The following VRTN variants were observed in gnomAD, a reference collection of about 807,000 sequenced individuals.
The protein encoded by VRTN is vertnin.
In VRTN, 5 loss-of-function variants were observed where a neutral mutation model predicts 18.2. The observed-to-expected ratio is 0.27, with a 90% CI of 0.14 to 0.58. VRTN has a LOEUF of 0.58. Among genes scored for constraint, VRTN ranks in the 20% least tolerant of loss-of-function variants. The pLI is 0.91. For missense variants in VRTN, 741 were observed against 939.4 expected (o/e 0.79, Z 2.76); for synonymous variants, 381 against 393.7 (o/e 0.97, Z 0.38).
chr14:74,325,167 G>C (rs1006939956), intron 1 of VRTN, among the ~76,000 whole-genome samples: 1 of 152,126 alleles, frequency 6.6e-6, no homozygotes, highest in African/African-American at 2.4e-5. Flanking sequence ...GTCAAGGCAA[G>C]GGTCAGTGCA....
intron 1 of VRTN, among the ~76,000 whole-genome samples, chr14:74,336,796 A>C (rs976554603): frequency 1.3e-5 from 2 of 152,094 alleles, no homozygotes; most frequent in East Asian, 3.9e-4. Context: ...TCCTCTTGGT[A>C]ATTTTTTTCG....
At chr14:74,332,335 GTTTTTTTTTTTTTTTTTTTTTTTTTTTT>G (rs67857502) in intron 1 of VRTN, among the ~76,000 whole-genome samples, 17 of 39,588 alleles carry the variant, frequency 4.3e-4, no homozygotes, top group South Asian at 2.7e-3. Flanking sequence ...CTCCTAATCT[GTTTTTTTTTTTTTTTTTTTTTTTTTTTT>G]TTTTTTTTTT....
rs1485636823 is a variant in VRTN, at chr14:74,341,115, T to C, written c.-2+3231T>C. ...GGGACAGATGGATGAATTCTTTAAA[T>C]CTCTGTAGAAAGAAGGTGAGTAGGG... On this transcript the variant is annotated intron_variant, in intron 2 of 2. Transcript: ENST00000557177. Among the ~76,000 whole-genome samples the C allele has an allele frequency of 2.0e-5, 3 of 152,196 alleles. No individual in the cohort carries two copies. In the East Asian group the frequency reaches 5.8e-4, roughly 29 times the overall value.
upstream of VRTN, among the ~76,000 whole-genome samples, chr14:74,343,535 T>TA (rs1162000672): frequency 6.6e-6 from 1 of 152,214 alleles, no homozygotes; most frequent in Non-Finnish European, 1.5e-5. Flanking sequence ...ATTATGCATG[T>TA]ACAGGCTTAC....
intron 1 of VRTN, among the ~76,000 whole-genome samples, chr14:74,329,174 C>T (rs987752536): frequency 6.6e-5 from 10 of 151,818 alleles, no homozygotes; most frequent in African/African-American, 2.4e-4. Flanking sequence ...ACTCAGGAGG[C>T]TGAGGCAGGA....
At chr14:74,310,961 G>A (rs1393072368) in intron 1 of VRTN, among the ~76,000 whole-genome samples, 1 of 152,128 alleles carries the variant, frequency 6.6e-6, no homozygotes, top group Non-Finnish European at 1.5e-5. Flanking sequence ...AAAGTGGTGG[G>A]ATTACAGGCA....
intron 1 of VRTN, among the ~76,000 whole-genome samples, chr14:74,322,002 A>G (rs952120340): frequency 2.0e-5 from 3 of 151,514 alleles, no homozygotes; most frequent in African/African-American, 7.3e-5. Context: ...CACCACACCC[A>G]GCTAATTTTT....
chr14:74,310,125 C>T (rs1251906203), intron 1 of VRTN, among the ~76,000 whole-genome samples: 1 of 152,116 alleles, frequency 6.6e-6, no homozygotes, highest in Non-Finnish European at 1.5e-5. Context: ...TGGCCGGGTG[C>T]CATGGCTCAC....
intron 1 of VRTN, among the ~76,000 whole-genome samples, chr14:74,335,740 A>G (rs1322473773): frequency 1.5e-5 from 2 of 132,312 alleles, no homozygotes; most frequent in Non-Finnish European, 3.3e-5. Flanking sequence ...CAGATGTTCT[A>G]TTTTTTTTTT....
intron 2 of VRTN, among the ~76,000 whole-genome samples, chr14:74,340,111 T>TA (rs1491340008): frequency 2.9e-5 from 1 of 34,916 alleles, no homozygotes; most frequent in Admixed American, 3.0e-4. Flanking sequence ...AATGTTTGTA[T>TA]TTTTTTTTTT....
rs754770535 is a variant in VRTN at position 74,358,698 on chromosome 14, C to T, written c.1915C>T (p.Arg639Trp). Reference sequence around the variant, plus strand: ...GGCAGCAGCGGGTGGCAGGGATGGCCGGATGCTGGTGATGGACATGATCGC... The same window carrying T: ...GGCAGCAGCGGGTGGCAGGGATGGCTGGATGCTGGTGATGGACATGATCGC... ...VVAAAGGRDGRMLVMDMIATT... is the reference protein window; with the variant it reads ...VVAAAGGRDGWMLVMDMIATT... The change falls in exon 2 of 2, where the codon CGG becomes TGG. Residue 639 changes from arginine to tryptophan, a missense_variant. Arg to Trp is a moderately radical substitution (Grantham distance 101). Transcript: ENST00000256362. The surrounding 1 kb of genome is among the most constrained non-coding windows in gnomAD (Gnocchi z 5.4). The T allele has an allele frequency of 1.1e-5, 18 of 1,613,866 alleles. No individual in the cohort carries two copies. The highest frequency in any genetic ancestry group is 2.7e-5 in the African/African-American group (2 of 74,958).
rs997156439 is a variant in VRTN, at chr14:74,359,663, G to A, written c.*771G>A. The A allele has an allele frequency of 5.4e-5, 9 of 167,504 alleles. No homozygotes were observed. Among genetic ancestry groups the A allele is most frequent in the African/African-American group, 2.2e-4 (9 of 41,576 alleles). The allele number at this position is 167,504 out of a possible 1,614,324, so 10.4% of individuals were successfully genotyped here. ...CAGCTGGCCTCTAAAGGATGGCACT[G>A]AGGCACCGGAGATCTTGAGGCACTG... On this transcript the variant is annotated 3_prime_UTR_variant, in exon 2 of 2. Coordinates refer to ENST00000256362, the MANE Select transcript of VRTN (RefSeq NM_018228.3).
intron 1 of VRTN, among the ~76,000 whole-genome samples, chr14:74,322,121 C>T (rs566149226): frequency 6.6e-6 from 1 of 151,404 alleles, no homozygotes; most frequent in East Asian, 1.9e-4. Context: ...GCTGGGATTA[C>T]AGGCGTGAGC....
intron 1 of VRTN, among the ~76,000 whole-genome samples, chr14:74,314,249 A>G (rs1267177441): frequency 6.6e-6 from 1 of 152,046 alleles, no homozygotes; most frequent in East Asian, 1.9e-4. Flanking sequence ...TTCCCGCCTC[A>G]GCCTTCCCAG....
At chr14:74,332,219 G>C (rs2140202303) in intron 1 of VRTN, among the ~76,000 whole-genome samples, 1 of 151,660 alleles carries the variant, frequency 6.6e-6, no homozygotes, top group East Asian at 1.9e-4. Context: ...CAATCCCAAA[G>C]CTTCCATTTC....
At chr14:74,344,044 T>C (rs13379076), upstream of VRTN, among the ~76,000 whole-genome samples, 121,937 of 150,230 alleles carry the variant, frequency 0.81, 50,105 homozygotes, top group African/African-American at 0.95. Context: ...GTAATCCACC[T>C]GCCTCAGCCT....
chr14:74,341,070 G>A (rs1279807261), intron 2 of VRTN, among the ~76,000 whole-genome samples: 1 of 152,174 alleles, frequency 6.6e-6, no homozygotes, highest in African/African-American at 2.4e-5. Flanking sequence ...ACAAGTCATT[G>A]AGTGAATGAA....
intron 1 of VRTN, among the ~76,000 whole-genome samples, chr14:74,326,411 TG>T (rs1316887263): frequency 6.6e-6 from 1 of 152,112 alleles, no homozygotes; most frequent in African/African-American, 2.4e-5. Context: ...AAACAGTTCG[TG>T]GCACATTCTA....
rs1423284744 is a variant in VRTN at position 74,358,086 on chromosome 14, A to G, written c.1303A>G (p.Thr435Ala). The G allele has an allele frequency of 1.2e-6, 2 of 1,614,090 alleles. No individual in the cohort carries two copies. The highest frequency in any genetic ancestry group is 1.7e-6 in the Non-Finnish European group (2 of 1,180,032). Residue 435 changes from threonine (T) to alanine (A), a missense_variant, in exon 2 of 2, where the codon ACT becomes GCT. Thr to Ala is a moderately conservative substitution (Grantham distance 58, BLOSUM62 0). Transcript: ENST00000256362. The surrounding 1 kb of genome is among the most constrained non-coding windows in gnomAD (Gnocchi z 5.4). ...CAGGTTCCCTGGCATCTCACGGTCC[A>G]CTTATTATAATTGGCGGCGAAAGGC... ...KRRFPGISRS[T>A]YYNWRRKALR...
Sources: gnomAD v4.1 joint callset for allele counts (sites outside exome capture counted in the v4.1 genomes callset) on GRCh38, gnomAD v4.1.1 for gene constraint, Gnocchi (gnomAD v3.1) non-coding constraint, MANE v1.5 for transcripts, NCBI Gene and HGNC (gene_info 2026-07-23, HGNC 2026-07-21) for gene names.